The following GNB1 variants were observed in gnomAD, a reference collection of about 807,000 sequenced individuals.
GNB1 encodes the protein guanine nucleotide-binding protein G(I)/G(S)/G(T) subunit beta-1.
In GNB1, 2 loss-of-function variants were observed where a neutral mutation model predicts 42.9. That is an observed-to-expected ratio of 0.05 (90% CI 0.02 to 0.15). The LOEUF (loss-of-function observed/expected upper bound fraction) is 0.15, where lower values mean the gene tolerates loss of function less well. Ranked by LOEUF, GNB1 falls within the 10% of genes least tolerant of loss-of-function variation. The pLI is 1.00. For synonymous variants in GNB1, 183 were observed against 174.7 expected, an observed-to-expected ratio of 1.05 and a Z score of -0.38; for missense variants, 193 against 462.2, an observed-to-expected ratio of 0.42 and a Z score of 5.34.
chr1:1,817,605 C>T (rs1017159341), intron 4 of GNB1: 15 of 398,396 alleles, frequency 3.8e-5, no homozygotes, highest in Non-Finnish European at 6.0e-5. Context: ...CAACTATTAC[C>T]CTCTGTAACA....
At chr1:1,809,407 C>T (rs926392358) in intron 5 of GNB1, among the ~76,000 whole-genome samples, 14 of 152,294 alleles carry the variant, frequency 9.2e-5, no homozygotes, top group African/African-American at 3.4e-4. Context: ...GCTCAATCTG[C>T]CTGCCTCGGC....
At chr1:1,819,473 A>G (rs1403999947) in intron 3 of GNB1, among the ~76,000 whole-genome samples, 1 of 152,034 alleles carries the variant, frequency 6.6e-6, no homozygotes, top group Non-Finnish European at 1.5e-5. Context: ...CGCTCATCTC[A>G]GCCTCCCAAA....
At chr1:1,808,900 T>TCC (rs1646738769) in intron 5 of GNB1, among the ~76,000 whole-genome samples, 1 of 152,156 alleles carries the variant, frequency 6.6e-6, no homozygotes, top group Non-Finnish European at 1.5e-5. Context: ...CACCTTGGCC[T>TCC]CCCAAAGTGT....
chr1:1,884,461 C>A (rs1650035167), intron 1 of GNB1, among the ~76,000 whole-genome samples: 1 of 152,158 alleles, frequency 6.6e-6, no homozygotes, highest in Non-Finnish European at 1.5e-5. Context: ...ATCCGCTCAC[C>A]TTGGCCTCCC....
At chr1:1,818,895 A>C (rs1240822914) in intron 3 of GNB1, among the ~76,000 whole-genome samples, 1 of 152,056 alleles carries the variant, frequency 6.6e-6, no homozygotes, top group African/African-American at 2.4e-5. Context: ...AAATAAAATA[A>C]AGGAAAACAA....
intron 2 of GNB1, among the ~76,000 whole-genome samples, chr1:1,833,210 T>A (rs1197738818): frequency 6.6e-6 from 1 of 152,156 alleles, no homozygotes; most frequent in African/African-American, 2.4e-5. Flanking sequence ...GCAGGAAATT[T>A]GCTAACTTGA....
chr1:1,790,284 T>C lies in GNB1; in HGVS notation c.699+111A>G. On this transcript the variant is annotated intron_variant, in intron 9 of 11. Transcript: ENST00000378609. This position sits in a 1 kb window ranked among gnomAD's most constrained non-coding sequence, Gnocchi z 5.4. Reference sequence around the variant, plus strand: ...GTATCCCCATCTGTACATGAGGTTGTATAAGGATCAGAAAGGAGAACATCT... The same window carrying C: ...GTATCCCCATCTGTACATGAGGTTGCATAAGGATCAGAAAGGAGAACATCT... 5 of 733,448 alleles carry C rather than the reference T, an allele frequency of 6.8e-6. No homozygotes were observed. Among genetic ancestry groups the C allele is most frequent in the Admixed American group, 6.5e-5 (3 of 46,050 alleles). The allele number at this position is 733,448 out of a possible 1,614,324, so 45.4% of individuals were successfully genotyped here. A position where few individuals can be genotyped will look rare whatever the true frequency, so the allele number is the denominator to read the frequency against.
At chr1:1,867,726 G>T (rs1649021106) in intron 1 of GNB1, among the ~76,000 whole-genome samples, 1 of 152,030 alleles carries the variant, frequency 6.6e-6, no homozygotes, top group South Asian at 2.1e-4. Context: ...CCCCCAAACA[G>T]GCATCTTTTG....
chr1:1,822,552 T>C (rs948144197), intron 3 of GNB1, among the ~76,000 whole-genome samples: 1 of 152,038 alleles, frequency 6.6e-6, no homozygotes. Flanking sequence ...CCTGACCTTG[T>C]GATCCACATG....
At chr1:1,792,578 T>A (rs140399022) in intron 8 of GNB1, among the ~76,000 whole-genome samples, 263 of 151,562 alleles carry the variant, frequency 1.7e-3, no homozygotes, top group Middle Eastern at 3.4e-3. Context: ...ACACCTGTAG[T>A]TCCCAGCTAC....
rs936896081 is a variant in GNB1 at position 1,890,856 on chromosome 1, G to A, written c.-132C>T. On this transcript the variant is annotated 5_prime_UTR_variant, in exon 1 of 12. Transcript: ENST00000378609. ...CGTCGCGGCCTGACGCGCCCACACCGCCGCCTCGGCCGCCGCTCGGCAGGT... is the reference window on the plus strand; with the variant it reads ...CGTCGCGGCCTGACGCGCCCACACCACCGCCTCGGCCGCCGCTCGGCAGGT... 1 of 147,274 alleles carries A rather than the reference G, an allele frequency of 6.8e-6. No homozygotes were observed. Among genetic ancestry groups the A allele is most frequent in the African/African-American group, 2.4e-5 (1 of 40,876 alleles). 9.1% of individuals were successfully genotyped at this position (147,274 alleles called of 1,614,324 possible).
intron 1 of GNB1, among the ~76,000 whole-genome samples, chr1:1,877,960 G>A (rs933117273): frequency 5.9e-5 from 9 of 152,156 alleles, no homozygotes; most frequent in Non-Finnish European, 1.2e-4. Flanking sequence ...AGAGGCAAAT[G>A]CAGACACAGA....
intron 3 of GNB1, among the ~76,000 whole-genome samples, chr1:1,822,448 G>A (rs910545639): frequency 2.6e-5 from 4 of 151,562 alleles, no homozygotes; most frequent in African/African-American, 4.9e-5. Flanking sequence ...GACTACAGGC[G>A]CCCACCACCA....
At chr1:1,814,954 T>C (rs1381269835) in intron 5 of GNB1, among the ~76,000 whole-genome samples, 1 of 150,380 alleles carries the variant, frequency 6.6e-6, no homozygotes, top group East Asian at 2.0e-4. Context: ...CTACTAAAAA[T>C]ACAAAAAAAT....
Position 1,785,935 on chromosome 1 carries a change from C to T in GNB1, c.*1128G>A. ...GAAGTGGACAGAGCCGCAATGGTTA[C>T]AACTGTAAGAGGTTATTTCTTAAAA... is the stretch of plus-strand genomic sequence containing the variant. On this transcript the variant is annotated 3_prime_UTR_variant, in exon 12 of 12. Transcript: ENST00000378609. 1 of 398,866 alleles carries T rather than the reference C, an allele frequency of 2.5e-6. No homozygotes were observed. The allele number at this position is 398,866 out of a possible 1,614,324, so 24.7% of individuals were successfully genotyped here.
intron 1 of GNB1, among the ~76,000 whole-genome samples, chr1:1,890,561 C>G (rs1486588942): frequency 6.7e-6 from 1 of 148,894 alleles, no homozygotes; most frequent in African/African-American, 2.4e-5. Flanking sequence ...CCCCGCACCC[C>G]GGTGCCGAAA....
At position 1,855,328 on chromosome 1, in the gene GNB1, A is replaced by C. The variant is rs753157061; in HGVS notation, c.-95-16090T>G. Among the ~76,000 whole-genome samples, 1,094 of 151,066 alleles carry C rather than the reference A, an allele frequency of 7.2e-3. 26 individuals carry two copies. The highest frequency in any genetic ancestry group is 6.8e-3 in the Non-Finnish European group (459 of 67,764). On this transcript the variant is annotated intron_variant, in intron 1 of 11. Coordinates refer to ENST00000378609, the MANE Select transcript of GNB1 (RefSeq NM_002074.5). Reference sequence around the variant, plus strand: ...CACAGCAAGACACTGTGTCAAAAAAAAAAAAAAAGAAAAGAAAAGAAGAAA... The same window carrying C: ...CACAGCAAGACACTGTGTCAAAAAACAAAAAAAAGAAAAGAAAAGAAGAAA...
intron 2 of GNB1, among the ~76,000 whole-genome samples, chr1:1,832,993 C>T (rs1428195862): frequency 6.6e-6 from 1 of 152,170 alleles, no homozygotes. Context: ...GTACCTTTGA[C>T]TAACAATCTC....
chr1:1,812,371 T>C (rs1314732775), intron 5 of GNB1, among the ~76,000 whole-genome samples: 1 of 145,966 alleles, frequency 6.9e-6, no homozygotes, highest in Non-Finnish European at 1.5e-5. Flanking sequence ...AACAAGGAGA[T>C]ATAGATATAC....
Sources: allele counts gnomAD v4.1 joint callset (sites outside exome capture counted in the v4.1 genomes callset), GRCh38; gene constraint gnomAD v4.1.1; non-coding constraint Gnocchi (gnomAD v3.1); transcripts MANE v1.5; gene names NCBI Gene and HGNC (gene_info 2026-07-23, HGNC 2026-07-21).